The following ZNF490 variants were observed in gnomAD, a reference collection of about 807,000 sequenced individuals.
The protein encoded by ZNF490 is zinc finger protein 490.
In ZNF490, 11 loss-of-function variants were observed where a neutral mutation model predicts 17.7. The observed-to-expected ratio is 0.62, with a 90% CI of 0.39 to 1.03. The LOEUF (loss-of-function observed/expected upper bound fraction) is 1.03, where lower values mean the gene tolerates loss of function less well. Ranked by LOEUF, ZNF490 falls within the 50% of genes least tolerant of loss-of-function variation. The pLI, the probability that ZNF490 is intolerant of heterozygous loss-of-function variation, is 0.00. For synonymous variants in ZNF490, 222 were observed against 216.1 expected, an observed-to-expected ratio of 1.03 and a Z score of -0.24; for missense variants, 542 against 643.4, an observed-to-expected ratio of 0.84 and a Z score of 1.71.
At position 12,581,155 on chromosome 19, in the gene ZNF490, T is replaced by A; in HGVS notation, c.920A>T (p.Glu307Val). ...ERTHTGEKPY[E>V]CKQCGKAFSC... Reference sequence around the variant, plus strand: ...GAAGGCTTTCCCACATTGCTTACATTCATAAGGTTTCTCTCCAGTGTGAGT... The same window carrying A: ...GAAGGCTTTCCCACATTGCTTACATACATAAGGTTTCTCTCCAGTGTGAGT... Residue 307 changes from glutamate to valine, a missense_variant, in exon 5 of 5, where the codon GAA becomes GTA. Glu to Val is a moderately radical substitution (Grantham distance 121, BLOSUM62 -2). Coordinates refer to ENST00000311437, the MANE Select transcript of ZNF490 (RefSeq NM_020714.3). 6.2e-7 allele frequency: 1 copy of A among 1,612,732 alleles called. No homozygotes were observed. Among genetic ancestry groups the A allele is most frequent in the Non-Finnish European group, 8.5e-7 (1 of 1,178,716 alleles).
intron 2 of ZNF490, among the ~76,000 whole-genome samples, chr19:12,593,661 CTGA>C (rs1231176191): frequency 2.0e-5 from 3 of 152,178 alleles, no homozygotes; most frequent in Admixed American, 6.6e-5. Flanking sequence ...AGATGACTAA[CTGA>C]TGAACTGCCC....
chr19:12,603,869 G>C lies in ZNF490; in HGVS notation c.162+5289C>G, dbSNP rs367697587. 2.0e-5 allele frequency among the ~76,000 whole-genome samples: 3 copies of C among 151,930 alleles called. No individual in the cohort carries two copies. In the East Asian group the frequency reaches 5.8e-4, roughly 29 times the overall value. ...TTCCAGAGTGACAGGTGGAAGAAATGTCTTTAGTTATTCATAACCATCCCC... is the reference window on the plus strand; with the variant it reads ...TTCCAGAGTGACAGGTGGAAGAAATCTCTTTAGTTATTCATAACCATCCCC... On this transcript the variant is annotated intron_variant, in intron 2 of 4. Coordinates refer to ENST00000311437, the MANE Select transcript of ZNF490 (RefSeq NM_020714.3).
At chr19:12,590,247 T>C (rs926716528) in intron 2 of ZNF490, among the ~76,000 whole-genome samples, 1 of 145,168 alleles carries the variant, frequency 6.9e-6, no homozygotes, top group Non-Finnish European at 1.5e-5. Flanking sequence ...GGAGTTTCGC[T>C]CTGTTGCCCA....
At position 12,577,079 on chromosome 19, in the gene ZNF490, T is replaced by C. The variant is rs1490028962; in HGVS notation, c.*3406A>G. Among the ~76,000 whole-genome samples, 1 of 152,132 alleles carries C rather than the reference T, an allele frequency of 6.6e-6. No individual in the cohort carries two copies. Among genetic ancestry groups the C allele is most frequent in the Non-Finnish European group, 1.5e-5 (1 of 68,032 alleles). On this transcript the variant is annotated 3_prime_UTR_variant, in exon 5 of 5. Transcript: ENST00000311437. ...GGAATAACCACCACAGTGCCTTATA[T>C]ATCCTTGCTTGCTTTCGTGTCTTCC... is the stretch of plus-strand genomic sequence containing the variant.
At chr19:12,582,013 C>T (rs968861976) in intron 4 of ZNF490, among the ~76,000 whole-genome samples, 23 of 152,310 alleles carry the variant, frequency 1.5e-4, no homozygotes, top group Admixed American at 1.2e-3. Flanking sequence ...CCTCCGCCTC[C>T]TGGGTTCAAG....
rs772914133 is a variant in ZNF490, at chr19:12,581,559, A to G, written c.516T>C (p.Asn172=). 1 of 1,614,066 alleles carries G rather than the reference A, an allele frequency of 6.2e-7. No individual in the cohort carries two copies. The highest frequency in any genetic ancestry group is 8.5e-7 in the Non-Finnish European group (1 of 1,180,014). Residue 172 remains asparagine (N), a synonymous_variant, in exon 5 of 5, where the codon AAT becomes AAC. Coordinates refer to ENST00000311437, the MANE Select transcript of ZNF490 (RefSeq NM_020714.3). The part of the protein sequence containing the change: ...GEVFMHQVSL[N]RHMRSHTEQK... ...GTTCAGTGTGAGATCTCATGTGCCT[A>G]TTAAGGGAGACCTGATGCATGAAGA...
chr19:12,607,882 C>T (rs747331325), intron 2 of ZNF490, among the ~76,000 whole-genome samples: 9 of 152,134 alleles, frequency 5.9e-5, no homozygotes, highest in Non-Finnish European at 1.2e-4. Context: ...CTGAAAAATA[C>T]CAGCATGCTG....
At chr19:12,588,277 A>G (rs1381460223) in intron 2 of ZNF490, among the ~76,000 whole-genome samples, 2 of 152,132 alleles carry the variant, frequency 1.3e-5, no homozygotes, top group Non-Finnish European at 2.9e-5. Flanking sequence ...GATTACAAGC[A>G]TGAACCACCA....
At chr19:12,583,593 G>C in intron 2 of ZNF490, 37 bp from the exon 3 acceptor site, 1 of 1,535,242 alleles carries the variant, frequency 6.5e-7, no homozygotes, top group Non-Finnish European at 8.8e-7. Flanking sequence ...GAGGAGGAGA[G>C]AGATTCGCAG....
At chr19:12,592,986 G>C (rs1481311027) in intron 2 of ZNF490, among the ~76,000 whole-genome samples, 1 of 152,170 alleles carries the variant, frequency 6.6e-6, no homozygotes, top group Non-Finnish European at 1.5e-5. Context: ...ATTTTAGTAA[G>C]CCTTTATGGT....
chr19:12,603,838 G>A (rs2023035826), intron 2 of ZNF490, among the ~76,000 whole-genome samples: 1 of 151,200 alleles, frequency 6.6e-6, no homozygotes, highest in African/African-American at 2.4e-5. Context: ...AATAGCTCTA[G>A]AAGAGTTCCA....
At chr19:12,593,117 G>A (rs890217023) in intron 2 of ZNF490, among the ~76,000 whole-genome samples, 6 of 152,152 alleles carry the variant, frequency 3.9e-5, no homozygotes, top group Non-Finnish European at 7.3e-5. Context: ...AGTAGTGTCC[G>A]GAACTCTTGC....
intron 2 of ZNF490, among the ~76,000 whole-genome samples, chr19:12,598,244 A>C (rs962849478): frequency 2.9e-5 from 3 of 104,672 alleles, no homozygotes; most frequent in Non-Finnish European, 8.2e-5. Context: ...CAATTAAAAA[A>C]AATAGCTATT....
At chr19:12,601,594 A>G (rs1265712731) in intron 2 of ZNF490, among the ~76,000 whole-genome samples, 1 of 152,082 alleles carries the variant, frequency 6.6e-6, no homozygotes, top group Non-Finnish European at 1.5e-5. Context: ...TATATTGCCC[A>G]GGCTGGTCTT....
Position 12,578,640 on chromosome 19 carries a change from G to C in ZNF490, c.*1845C>G, listed in dbSNP as rs1021543386. 1 of 985,432 alleles carries C rather than the reference G, an allele frequency of 1.0e-6. No individual in the cohort carries two copies. Among genetic ancestry groups the C allele is most frequent in the Non-Finnish European group, 1.2e-6 (1 of 829,958 alleles). The allele number at this position is 985,432 out of a possible 1,614,324, so 61.0% of individuals were successfully genotyped here. On this transcript the variant is annotated 3_prime_UTR_variant, in exon 5 of 5. Transcript: ENST00000311437. The stretch of plus-strand genomic sequence containing the variant: ...CACTTGGGGAAAAACTGTAAGATGC[G>C]AACCTTTGTCTTAGAAGTACAGCAT...
intron 2 of ZNF490, among the ~76,000 whole-genome samples, chr19:12,600,423 T>C (rs2022988843): frequency 6.6e-6 from 1 of 150,954 alleles, no homozygotes; most frequent in Non-Finnish European, 1.5e-5. Context: ...CTAATGTAAA[T>C]GTGAAATTTG....
chr19:12,603,833 C>T (rs1037696100), intron 2 of ZNF490, among the ~76,000 whole-genome samples: 7 of 151,326 alleles, frequency 4.6e-5, no homozygotes, highest in African/African-American at 1.7e-4. Flanking sequence ...CTTAAAATAG[C>T]TCTAGAAGAG....
chr19:12,576,273 C>T lies in ZNF490; in HGVS notation c.*4212G>A, dbSNP rs1010739839. 2.6e-5 allele frequency among the ~76,000 whole-genome samples: 4 copies of T among 152,008 alleles called. No homozygotes were observed. Among genetic ancestry groups the T allele is most frequent in the Non-Finnish European group, 5.9e-5 (4 of 68,002 alleles). ...CTCTAATCCCAGCACTTTGAGAGGC[C>T]GAGGCAGGCAGATCACAAGGTCAGG... On this transcript the variant is annotated 3_prime_UTR_variant, in exon 5 of 5. Coordinates refer to ENST00000311437, the MANE Select transcript of ZNF490 (RefSeq NM_020714.3).
chr19:12,583,459 C>A lies in ZNF490; in HGVS notation c.260G>T (p.Arg87Leu). ...GQRNIYRDVM[R>L]ATFKNLACIG... is the part of the protein sequence containing the mutation. The stretch of plus-strand genomic sequence containing the variant: ...ACAGGCCAGGTTCTTGAAGGTTGCC[C>A]GCATCACATCTCTGTAGATATTCCT... Residue 87 changes from arginine to leucine, a missense_variant, in exon 3 of 5, where the codon CGG becomes CTG. By Grantham distance (102) the Arg-to-Leu change is moderately radical. Coordinates refer to ENST00000311437, the MANE Select transcript of ZNF490 (RefSeq NM_020714.3). The A allele has an allele frequency of 6.2e-7, 1 of 1,605,176 alleles. No individual in the cohort carries two copies. Among genetic ancestry groups the A allele is most frequent in the Non-Finnish European group, 8.5e-7 (1 of 1,174,350 alleles).
Sources: allele counts gnomAD v4.1 joint callset (sites outside exome capture counted in the v4.1 genomes callset), GRCh38; gene constraint gnomAD v4.1.1; transcripts MANE v1.5; gene names NCBI Gene and HGNC (gene_info 2026-07-23, HGNC 2026-07-21).